Variants in DLGAP3 observed in about 807,000 individuals in gnomAD.
DLGAP3 encodes disks large-associated protein 3.
DLGAP3 carries 17 observed loss-of-function variants against 81.2 expected under a neutral mutation model. That is an observed-to-expected ratio of 0.21 (90% CI 0.14 to 0.31). DLGAP3 has a LOEUF of 0.31. DLGAP3 is among the 10% of genes least tolerant of loss of function. The probability of loss-of-function intolerance (pLI) is 1.00; values close to 1 mark genes in which losing one functional copy is unlikely to be tolerated. For missense variants in DLGAP3, 1,124 were observed against 1,388.0 expected (o/e 0.81, Z 3.02); for synonymous variants, 577 against 587.4 (o/e 0.98, Z 0.26).
intron 6 of DLGAP3, 133 bp downstream of exon 6, chr1:34,885,939 C>A: frequency 8.7e-7 from 1 of 1,151,958 alleles, no homozygotes; most frequent in South Asian, 1.5e-5. Flanking sequence ...CGCCAACGGA[C>A]GCTCTCCCCG....
In DLGAP3 at chr1:34,867,655, G is replaced by A. The variant is rs754081612; in HGVS notation, c.2486-28C>T. 1.3e-6 allele frequency: 2 copies of A among 1,562,728 alleles called. No homozygotes were observed. Among genetic ancestry groups the A allele is most frequent in the Admixed American group, 1.7e-5 (1 of 59,942 alleles). On this transcript the variant is annotated intron_variant, in intron 9 of 11. Coordinates refer to ENST00000373347, the MANE Select transcript of DLGAP3 (RefSeq NM_001080418.3). The surrounding 1 kb of genome is among the most constrained non-coding windows in gnomAD (Gnocchi z 4.3). ...AGAAAGCAGAAGGAAATTCAGGGAGGGAAATGATGCATCTCCTTCCCCAGC... is the reference window on the plus strand; with the variant it reads ...AGAAAGCAGAAGGAAATTCAGGGAGAGAAATGATGCATCTCCTTCCCCAGC...
rs533602443 is a variant in DLGAP3 at position 34,866,314 on chromosome 1, G to A, written c.2722-13C>T. On this transcript the variant is annotated splice_polypyrimidine_tract_variant and intron_variant, in intron 11 of 11. Coordinates refer to ENST00000373347, the MANE Select transcript of DLGAP3 (RefSeq NM_001080418.3). Reference sequence around the variant, plus strand: ...CCTTCTTCTCCTCCTGCGGGGCAGAGGGCGTCGCTGAGCTGGGGCGCCGAA... The same window carrying A: ...CCTTCTTCTCCTCCTGCGGGGCAGAAGGCGTCGCTGAGCTGGGGCGCCGAA... 1.9e-5 allele frequency: 29 copies of A among 1,506,304 alleles called. No individual in the cohort carries two copies. In the African/African-American group the frequency reaches 3.1e-4, roughly 16 times the overall value. 93.3% of individuals were successfully genotyped at this position (1,506,304 alleles called of 1,614,324 possible).
Position 34,900,190 on chromosome 1 carries a change from G to A in DLGAP3, c.1191C>T (p.Tyr397=), listed in dbSNP as rs1436905960. 3.7e-6 allele frequency: 6 copies of A among 1,614,016 alleles called. No individual in the cohort carries two copies. The highest frequency in any genetic ancestry group is 5.1e-6 in the Non-Finnish European group (6 of 1,180,052). ...IPCRRMRSGS[Y]IKAMGDEESG... The stretch of plus-strand genomic sequence containing the variant: ...TCTCCTCATCCCCCATGGCTTTGAT[G>A]TAGCTGCCGCTCCGCATCCTGCGGC... The change falls in exon 4 of 12, where the codon TAC becomes TAT. Residue 397 remains tyrosine, a synonymous_variant. Coordinates refer to ENST00000373347, the MANE Select transcript of DLGAP3 (RefSeq NM_001080418.3). The surrounding 1 kb of genome is among the most constrained non-coding windows in gnomAD (Gnocchi z 5.6).
intron 8 of DLGAP3, among the ~76,000 whole-genome samples, chr1:34,871,393 T>C (rs1380500896): frequency 6.6e-6 from 1 of 152,194 alleles, no homozygotes; most frequent in Admixed American, 6.5e-5. Flanking sequence ...CTGTTTTACC[T>C]GTTTCACCCT....
intron 2 of DLGAP3, among the ~76,000 whole-genome samples, chr1:34,906,235 T>A (rs1465214744): frequency 6.6e-6 from 1 of 151,178 alleles, no homozygotes; most frequent in Admixed American, 6.6e-5. Flanking sequence ...CAGGGAGACA[T>A]AAAATAGTCA....
intron 1 of DLGAP3, among the ~76,000 whole-genome samples, chr1:34,913,595 T>C (rs1192809867): frequency 1.3e-5 from 2 of 152,236 alleles, no homozygotes; most frequent in Non-Finnish European, 2.9e-5. Context: ...TGCGTGTTTA[T>C]AGTATGTCTC....
chr1:34,885,735 G>A lies in DLGAP3; in HGVS notation c.1657C>T (p.Arg553Cys). The A allele has an allele frequency of 2.8e-6, 4 of 1,418,068 alleles. No homozygotes were observed. Among genetic ancestry groups the A allele is most frequent in the Non-Finnish European group, 2.7e-6 (3 of 1,094,428 alleles). 87.8% of individuals were successfully genotyped at this position (1,418,068 alleles called of 1,614,324 possible). A position where few individuals can be genotyped will look rare whatever the true frequency, so the allele number is the denominator to read the frequency against. ...PIPPGSQAPPRISITAQSSTD... is the reference protein window; with the variant it reads ...PIPPGSQAPPCISITAQSSTD... ...CTGCTCTGGGCGGTGATGGAGATGC[G>A]GGGCGGGGCCTGGCTTCCCGGCGGG... Residue 553 changes from arginine (R) to cysteine (C), a missense_variant, in exon 7 of 12, where the codon CGC (arginine) becomes TGC (cysteine). Coordinates refer to ENST00000373347, the MANE Select transcript of DLGAP3 (RefSeq NM_001080418.3).
chr1:34,879,111 G>A (rs1464276359), intron 8 of DLGAP3, among the ~76,000 whole-genome samples: 1 of 151,712 alleles, frequency 6.6e-6, no homozygotes, highest in East Asian at 1.9e-4. Context: ...AGCTGCGGGG[G>A]GGCATAGTAG....
Position 34,905,386 on chromosome 1 carries a change from C to A in DLGAP3, c.-3G>T. ...CGGTCGCCATGGTAACCCCTCATGG[C>A]CTCAGCAAAGGCTCTTCATAGTCTT... is the stretch of plus-strand genomic sequence containing the variant. On this transcript the variant is annotated 5_prime_UTR_variant, in exon 3 of 12. Transcript: ENST00000373347. The A allele has an allele frequency of 6.4e-7, 1 of 1,551,684 alleles. No individual in the cohort carries two copies. Among genetic ancestry groups the A allele is most frequent in the Non-Finnish European group, 8.7e-7 (1 of 1,147,772 alleles).
chr1:34,908,709 G>A (rs1639595066), intron 1 of DLGAP3, among the ~76,000 whole-genome samples: 1 of 152,178 alleles, frequency 6.6e-6, no homozygotes, highest in South Asian at 2.1e-4. Flanking sequence ...AGACAATGAA[G>A]AAGACTGTGG....
intron 8 of DLGAP3, among the ~76,000 whole-genome samples, chr1:34,872,130 T>C (rs1391550996): frequency 1.3e-5 from 2 of 151,844 alleles, no homozygotes; most frequent in Non-Finnish European, 2.9e-5. Flanking sequence ...GTGCAGCTCA[T>C]AGAGGAGACT....
At chr1:34,881,857 T>C (rs899087313) in intron 8 of DLGAP3, among the ~76,000 whole-genome samples, 1 of 152,164 alleles carries the variant, frequency 6.6e-6, no homozygotes, top group Non-Finnish European at 1.5e-5. Flanking sequence ...AAAATAAAAA[T>C]AAGATGCTTA....
chr1:34,901,876 G>C (rs1241015720), intron 3 of DLGAP3, among the ~76,000 whole-genome samples: 1 of 152,190 alleles, frequency 6.6e-6, no homozygotes, highest in Non-Finnish European at 1.5e-5. Context: ...AAGCGACTTT[G>C]GACATGTTTT....
rs958693639 is a variant in DLGAP3 at position 34,895,257 on chromosome 1, A to G, written c.1386+4412T>C. 2.0e-5 allele frequency among the ~76,000 whole-genome samples: 3 copies of G among 151,494 alleles called. No individual in the cohort carries two copies. The highest frequency in any genetic ancestry group is 1.3e-4 in the Admixed American group (2 of 15,192). On this transcript the variant is annotated intron_variant, in intron 5 of 11. Coordinates refer to ENST00000373347, the MANE Select transcript of DLGAP3 (RefSeq NM_001080418.3). This position sits in a 1 kb window ranked among gnomAD's most constrained non-coding sequence, Gnocchi z 4.5. ...GTGGCGGGCGCCTGTAGTCTCAGCT[A>G]CTCCGGAGACTGAGGCAGAAGAATG...
chr1:34,896,585 T>TCACACACACACACACCCA (rs1639383552), intron 5 of DLGAP3, among the ~76,000 whole-genome samples: 1 of 146,798 alleles, frequency 6.8e-6, no homozygotes, highest in Non-Finnish European at 1.5e-5. Context: ...CCAGACTCCA[T>TCACACACACACACACCCA]CACACACACA....
At chr1:34,880,894 G>C (rs937503139) in intron 8 of DLGAP3, among the ~76,000 whole-genome samples, 1 of 151,976 alleles carries the variant, frequency 6.6e-6, no homozygotes, top group African/African-American at 2.4e-5. Context: ...AATCACTAAA[G>C]AAACTGAAGC....
intron 1 of DLGAP3, among the ~76,000 whole-genome samples, chr1:34,915,973 T>C (rs1639710953): frequency 6.6e-6 from 1 of 152,172 alleles, no homozygotes; most frequent in Non-Finnish European, 1.5e-5. Context: ...TTGGGTCTCA[T>C]ACCTCTATTC....
chr1:34,885,710 C>T lies in DLGAP3; in HGVS notation c.1682G>A (p.Ser561Asn). The T allele has an allele frequency of 7.0e-7, 1 of 1,419,224 alleles. No individual in the cohort carries two copies. The highest frequency in any genetic ancestry group is 9.1e-7 in the Non-Finnish European group (1 of 1,095,586). The allele number at this position is 1,419,224 out of a possible 1,614,324, so 87.9% of individuals were successfully genotyped here. The change falls in exon 7 of 12, where the codon AGC (serine) becomes AAC (asparagine). Residue 561 changes from serine (S) to asparagine (N), a missense_variant. Around this residue, in one of 9 missense-constraint regions of DLGAP3, gnomAD observed 379 missense variants for 455.7 expected, o/e 0.83. Transcript: ENST00000373347. ...GAAGCTCTCGTGCGCGGAGTCGGTG[C>T]TGCTCTGGGCGGTGATGGAGATGCG... Reference protein sequence around the residue: ...PPRISITAQSSTDSAHESFTA... With the variant: ...PPRISITAQSNTDSAHESFTA...
intron 1 of DLGAP3, among the ~76,000 whole-genome samples, chr1:34,925,773 C>T (rs1639864282): frequency 6.6e-6 from 1 of 152,082 alleles, no homozygotes; most frequent in Non-Finnish European, 1.5e-5. Context: ...GCTTGGGCCC[C>T]CGACACCATC....
Sources: gnomAD v4.1 joint callset for allele counts (sites outside exome capture counted in the v4.1 genomes callset) on GRCh38, gnomAD v4.1.1 for gene constraint, gnomAD v4.1.1 regional missense constraint, Gnocchi (gnomAD v3.1) non-coding constraint, MANE v1.5 for transcripts, NCBI Gene and HGNC (gene_info 2026-07-23, HGNC 2026-07-21) for gene names.